Variants in IRS2 observed in about 807,000 individuals in gnomAD.
IRS2 encodes the protein insulin receptor substrate 2.
Under a neutral mutation model 70.9 loss-of-function variants are expected in IRS2, and 28 were observed. That is an observed-to-expected ratio of 0.39 (90% CI 0.29 to 0.54). The LOEUF (loss-of-function observed/expected upper bound fraction) is 0.54. Ranked by LOEUF, IRS2 falls within the 20% of genes least tolerant of loss-of-function variation. The probability of loss-of-function intolerance (pLI) is 0.59; values close to 1 mark genes in which losing one functional copy is unlikely to be tolerated. For missense variants in IRS2, 2,081 were observed against 2,024.1 expected, an observed-to-expected ratio of 1.03 and a Z score of -0.54; for synonymous variants, 1,217 against 981.9, an observed-to-expected ratio of 1.24 and a Z score of -4.48.
intron 1 of IRS2, among the ~76,000 whole-genome samples, chr13:109,757,317 T>C (rs1449375622): frequency 1.3e-5 from 2 of 152,174 alleles, no homozygotes; most frequent in Non-Finnish European, 2.9e-5. Flanking sequence ...ACAGGTACAT[T>C]TCCTTCCTTT....
In IRS2 at chr13:109,783,132, C is replaced by A; in HGVS notation, c.2922G>T (p.Pro974=). The part of the protein sequence containing the change: ...GTSSDSRQRS[P]LSDYMNLDFS... ...AGTCGAGGTTCATGTAGTCGGAGAGCGGAGACCGCTGCCGGCTGTCGCTGC... is the reference window on the plus strand; with the variant it reads ...AGTCGAGGTTCATGTAGTCGGAGAGAGGAGACCGCTGCCGGCTGTCGCTGC... Residue 974 remains proline (P), a synonymous_variant, in exon 1 of 2, where the codon CCG becomes CCT. Coordinates refer to ENST00000375856, the MANE Select transcript of IRS2 (RefSeq NM_003749.3). 1 of 1,386,376 alleles carries A rather than the reference C, an allele frequency of 7.2e-7. No individual in the cohort carries two copies. The allele number at this position is 1,386,376 out of a possible 1,614,324, so 85.9% of individuals were successfully genotyped here.
rs757062133 is a variant in IRS2 at position 109,783,697 on chromosome 13, G to A, written c.2357C>T (p.Ala786Val). 1 of 1,564,830 alleles carries A rather than the reference G, an allele frequency of 6.4e-7. No homozygotes were observed. Among genetic ancestry groups the A allele is most frequent in the African/African-American group, 1.4e-5 (1 of 73,872 alleles). ...TTGTPPDFFSAALHPGGEPLR... is the reference protein window; with the variant it reads ...TTGTPPDFFSVALHPGGEPLR... Reference sequence around the variant, plus strand: ...CGGCTCCCCGCCGGGGTGCAGGGCTGCGGAGAAGAAGTCGGGCGGGGTGCC... The same window carrying A: ...CGGCTCCCCGCCGGGGTGCAGGGCTACGGAGAAGAAGTCGGGCGGGGTGCC... The change falls in exon 1 of 2, where the codon GCA becomes GTA. Residue 786 changes from alanine to valine, a missense_variant. Physicochemically the swap from Ala to Val is moderately conservative, Grantham distance 64. Transcript: ENST00000375856.
In IRS2 at chr13:109,783,975, C is replaced by T. The variant is rs1877823929; in HGVS notation, c.2079G>A (p.Arg693=). The stretch of plus-strand genomic sequence containing the variant: ...CGGCGGCGGCGGCGGCGGCGGCGGC[C>T]CTGGGCTGCAAGATCTGCTTGGGGG... ...VSAPKQILQP[R]AAAAAAAAVP... The change falls in exon 1 of 2, where the codon AGG becomes AGA. Residue 693 remains arginine (R), a synonymous_variant. Transcript: ENST00000375856. 4 of 1,524,548 alleles carry T rather than the reference C, an allele frequency of 2.6e-6. No individual in the cohort carries two copies. In the African/African-American group the frequency reaches 4.2e-5, roughly 16 times the overall value. 94.4% of individuals were successfully genotyped at this position (1,524,548 alleles called of 1,614,324 possible).
rs1157544663 is a variant in IRS2 at position 109,786,341 on chromosome 13, G to C, written c.-288C>G. 6.8e-6 allele frequency: 1 copy of C among 146,916 alleles called. No individual in the cohort carries two copies. Among genetic ancestry groups the C allele is most frequent in the African/African-American group, 2.4e-5 (1 of 40,880 alleles). The allele number at this position is 146,916 out of a possible 1,614,324, so 9.1% of individuals were successfully genotyped here. A position where few individuals can be genotyped will look rare whatever the true frequency, so the allele number is the denominator to read the frequency against. On this transcript the variant is annotated 5_prime_UTR_variant, in exon 1 of 2. Coordinates refer to ENST00000375856, the MANE Select transcript of IRS2 (RefSeq NM_003749.3). This position sits in a 1 kb window ranked among gnomAD's most constrained non-coding sequence, Gnocchi z 4.4. ...GCGGCCGCTGCCTCCTCGGGCTCTCGGGCGGCGCCGGGGGACGCGCTCGCT... is the reference window on the plus strand; with the variant it reads ...GCGGCCGCTGCCTCCTCGGGCTCTCCGGCGGCGCCGGGGGACGCGCTCGCT...
In IRS2 at chr13:109,780,805, CAAAGA is replaced by C. The variant is rs1328372296; in HGVS notation, c.4012+1232_4012+1236del. Among the ~76,000 whole-genome samples the C allele has an allele frequency of 1.2e-4, 18 of 152,202 alleles. No homozygotes were observed. In the South Asian group the frequency reaches 3.7e-3, roughly 32 times the overall value. On this transcript the variant is annotated intron_variant, in intron 1 of 1. Coordinates refer to ENST00000375856, the MANE Select transcript of IRS2 (RefSeq NM_003749.3). ...AGCCTCTATCCTGCTAGGAACCCTA[CAAAGA>C]AAACAGCTACAAAATTAAATAAAGT...
At position 109,784,929 on chromosome 13, in the gene IRS2, C is replaced by T; in HGVS notation, c.1125G>A (p.Ala375=). The change falls in exon 1 of 2, where the codon GCG becomes GCA. Residue 375 remains alanine, a synonymous_variant. Transcript: ENST00000375856. The surrounding 1 kb of genome is among the most constrained non-coding windows in gnomAD (Gnocchi z 5.2). ...SEGDGGAAAG[A]AAAGARPVSV... ...ACACCGGCCTGGCGCCCGCGGCCGCCGCTCCCGCCGCCGCGCCGCCGTCGC... is the reference window on the plus strand; with the variant it reads ...ACACCGGCCTGGCGCCCGCGGCCGCTGCTCCCGCCGCCGCGCCGCCGTCGC... The T allele has an allele frequency of 9.4e-7, 1 of 1,065,556 alleles. No individual in the cohort carries two copies. Among genetic ancestry groups the T allele is most frequent in the Non-Finnish European group, 1.1e-6 (1 of 883,732 alleles). The allele number at this position is 1,065,556 out of a possible 1,614,324, so 66.0% of individuals were successfully genotyped here.
rs375324802 is a variant in IRS2 at position 109,755,214 on chromosome 13, C to CTTTTTT, written c.*1084_*1089dup. On this transcript the variant is annotated 3_prime_UTR_variant, in exon 2 of 2. Coordinates refer to ENST00000375856, the MANE Select transcript of IRS2 (RefSeq NM_003749.3). ...CTCTTTTTATCAGTTTCTTTCTTTC[C>CTTTTTT]TTTTTTTTTTTTCTTTTTGTTTTTT... 17 of 208,958 alleles carry CTTTTTT rather than the reference C, an allele frequency of 8.1e-5. No homozygotes were observed. The highest frequency in any genetic ancestry group is 1.2e-4 in the Admixed American group (2 of 16,044). The allele number at this position is 208,958 out of a possible 1,614,324, so 12.9% of individuals were successfully genotyped here.
At chr13:109,757,467 T>A (rs1312065579) in intron 1 of IRS2, among the ~76,000 whole-genome samples, 1 of 152,188 alleles carries the variant, frequency 6.6e-6, no homozygotes, top group African/African-American at 2.4e-5. Flanking sequence ...TTTAGAGGAC[T>A]GAACTCAACA....
intron 1 of IRS2, among the ~76,000 whole-genome samples, chr13:109,772,236 T>C (rs1206157692): frequency 6.6e-6 from 1 of 152,140 alleles, no homozygotes; most frequent in Admixed American, 6.5e-5. Flanking sequence ...CGGTGGTTCA[T>C]AGCACGGAGC....
chr13:109,780,358 G>A (rs183478002), intron 1 of IRS2, among the ~76,000 whole-genome samples: 2 of 152,282 alleles, frequency 1.3e-5, no homozygotes, highest in East Asian at 1.9e-4. Flanking sequence ...ACTAGCAATA[G>A]TGTATAAGTA....
intron 1 of IRS2, among the ~76,000 whole-genome samples, chr13:109,762,165 T>C (rs1414447916): frequency 1.3e-5 from 2 of 152,210 alleles, no homozygotes; most frequent in African/African-American, 2.4e-5. Flanking sequence ...CTGAGTGTTA[T>C]TGTTAAAAAC....
chr13:109,785,902 C>T lies in IRS2; in HGVS notation c.152G>A (p.Arg51His), dbSNP rs1877908226. 2 of 1,494,458 alleles carry T rather than the reference C, an allele frequency of 1.3e-6. No homozygotes were observed. Among genetic ancestry groups the T allele is most frequent in the East Asian group, 5.2e-5 (2 of 38,482 alleles). The allele number at this position is 1,494,458 out of a possible 1,614,324, so 92.6% of individuals were successfully genotyped here. The part of the protein sequence containing the change: ...KHGHKRFFVL[R>H]GPGAGGDEAT... ...CTCGTCGCCGCCCGCGCCGGGTCCG[C>T]GCAGCACGAAGAAGCGCTTGTGGCC... The change falls in exon 1 of 2, where the codon CGC (arginine) becomes CAC (histidine). Residue 51 changes from arginine (R) to histidine (H), a missense_variant. Physicochemically the swap from Arg to His is conservative, Grantham distance 29. Transcript: ENST00000375856. This position sits in a 1 kb window ranked among gnomAD's most constrained non-coding sequence, Gnocchi z 9.3.
intron 1 of IRS2, among the ~76,000 whole-genome samples, chr13:109,765,520 C>A (rs368604448): frequency 1.7e-3 from 237 of 141,176 alleles, no homozygotes; most frequent in South Asian, 0.016. Context: ...ATGTAGATAT[C>A]CCAGCCTCAA....
chr13:109,782,547 G>T lies in IRS2; in HGVS notation c.3507C>A (p.Pro1169=), dbSNP rs1192264015. 6.4e-7 allele frequency: 1 copy of T among 1,562,306 alleles called. No homozygotes were observed. The highest frequency in any genetic ancestry group is 1.9e-5 in the Admixed American group (1 of 51,786). The change falls in exon 1 of 2, where the codon CCC becomes CCA. Residue 1169 remains proline, a synonymous_variant. Coordinates refer to ENST00000375856, the MANE Select transcript of IRS2 (RefSeq NM_003749.3). ...TPVSPSFAHN[P]KRHNSASVEN... ...CCACGGAGGCCGAGTTGTGGCGCTT[G>T]GGGTTGTGGGCGAAGGACGGGGACA...
chr13:109,785,107 G>T lies in IRS2; in HGVS notation c.947C>A (p.Pro316His). ...GCGGCGCGCGCCGGGGACGCTGATG[G>T]GGTGCGTGGCCGACGACCCCGACGA... ...SQSSGSSATH[P>H]ISVPGARRHH... Residue 316 changes from proline (P) to histidine (H), a missense_variant, in exon 1 of 2, where the codon CCC (proline) becomes CAC (histidine). Pro to His is a moderately conservative substitution (Grantham distance 77). Around this residue, in one of 4 missense-constraint regions of IRS2, gnomAD observed 111 missense variants for 133.1 expected, o/e 0.83. Coordinates refer to ENST00000375856, the MANE Select transcript of IRS2 (RefSeq NM_003749.3). The surrounding 1 kb of genome is among the most constrained non-coding windows in gnomAD (Gnocchi z 9.3). 1 of 1,591,116 alleles carries T rather than the reference G, an allele frequency of 6.3e-7. No homozygotes were observed. The highest frequency in any genetic ancestry group is 8.5e-7 in the Non-Finnish European group (1 of 1,169,896).
chr13:109,778,407 C>G (rs922913741), intron 1 of IRS2, among the ~76,000 whole-genome samples: 9 of 152,228 alleles, frequency 5.9e-5, no homozygotes, highest in Admixed American at 3.9e-4. Context: ...ATGTGACTTT[C>G]ATTCACGAAA....
In IRS2 at chr13:109,758,829, C is replaced by CA. The variant is rs3049004; in HGVS notation, c.4013-2522dup. ...TGATAACTTGGGGGAAGATGGCTGA[C>CA]AAAAAAAAAAAAAAAAAGAAGGAAA... On this transcript the variant is annotated intron_variant, in intron 1 of 1. Transcript: ENST00000375856. Among the ~76,000 whole-genome samples, 577 of 102,996 alleles carry CA rather than the reference C, an allele frequency of 5.6e-3. 6 individuals are homozygous for CA. Among genetic ancestry groups the CA allele is most frequent in the African/African-American group, 0.017 (476 of 27,678 alleles). 67.6% of individuals were successfully genotyped at this position (102,996 alleles called of 152,430 possible).
In IRS2 at chr13:109,756,301, T is replaced by C. The variant is rs1877106058; in HGVS notation, c.*3A>G. 3 of 1,610,060 alleles carry C rather than the reference T, an allele frequency of 1.9e-6. No individual in the cohort carries two copies. Among genetic ancestry groups the C allele is most frequent in the Non-Finnish European group, 2.6e-6 (3 of 1,176,264 alleles). On this transcript the variant is annotated 3_prime_UTR_variant, in exon 2 of 2. Transcript: ENST00000375856. ...CATCCTGGTGATAAAGCCAGACAGATCTTCACTCTGAAAAAGAAAGGAGGG... is the reference window on the plus strand; with the variant it reads ...CATCCTGGTGATAAAGCCAGACAGACCTTCACTCTGAAAAAGAAAGGAGGG...
intron 1 of IRS2, among the ~76,000 whole-genome samples, chr13:109,760,931 C>T (rs538435452): frequency 4.6e-5 from 7 of 152,242 alleles, no homozygotes; most frequent in Admixed American, 6.5e-5. Context: ...AAGTGGGCAT[C>T]AAGCCTAGAA....
Sources: gnomAD v4.1 joint callset for allele counts (sites outside exome capture counted in the v4.1 genomes callset) on GRCh38, gnomAD v4.1.1 for gene constraint, gnomAD v4.1.1 regional missense constraint, Gnocchi (gnomAD v3.1) non-coding constraint, MANE v1.5 for transcripts, NCBI Gene and HGNC (gene_info 2026-07-23, HGNC 2026-07-21) for gene names.